The following CHRD variants were observed in gnomAD, a reference collection of about 807,000 sequenced individuals.
CHRD encodes chordin.
In CHRD, 69 loss-of-function variants were observed where a neutral mutation model predicts 113.7. The observed-to-expected ratio is 0.61, with a 90% CI of 0.50 to 0.74. The LOEUF (loss-of-function observed/expected upper bound fraction) is 0.74, where lower values mean the gene tolerates loss of function less well. Ranked by LOEUF, CHRD falls within the 30% of genes least tolerant of loss-of-function variation. The pLI is 0.00. For missense variants in CHRD, 1,194 were observed against 1,295.8 expected, an observed-to-expected ratio of 0.92 and a Z score of 1.21; for synonymous variants, 561 against 540.8, an observed-to-expected ratio of 1.04 and a Z score of -0.52.
chr3:184,390,162 C>T (rs1369680867), downstream of CHRD: 1 of 148,890 alleles, frequency 6.7e-6, no homozygotes, highest in African/African-American at 2.5e-5. Flanking sequence ...CAGCCCCTCT[C>T]TCCCTCCTTC....
In CHRD at chr3:184,388,850, G is replaced by A. The variant is rs1716782596; in HGVS notation, c.2710-43G>A. 2.5e-6 allele frequency: 4 copies of A among 1,604,336 alleles called. No individual in the cohort carries two copies. Among genetic ancestry groups the A allele is most frequent in the Non-Finnish European group, 3.4e-6 (4 of 1,172,324 alleles). On this transcript the variant is annotated intron_variant, in intron 21 of 22. Coordinates refer to ENST00000204604, the Ensembl canonical transcript of CHRD. The surrounding 1 kb of genome is among the most constrained non-coding windows in gnomAD (Gnocchi z 6.1). ...AGAAGCTGAAGGTCACTGTGTCCCA[G>A]TGCCTCTGGGGGACACTCAGTGTCT...
In CHRD at chr3:184,381,226, C is replaced by T. The variant is rs923801669; in HGVS notation, c.253-9C>T. ...ACTCACTTGGGTTTCCCGCCTTTTC[C>T]GGGAGCAGCCTCAGTGGGGTCGCCG... On this transcript the variant is annotated splice_polypyrimidine_tract_variant and intron_variant, in intron 2 of 22. Coordinates refer to ENST00000204604, the Ensembl canonical transcript of CHRD. The surrounding 1 kb of genome is among the most constrained non-coding windows in gnomAD (Gnocchi z 4.7). 2 of 1,613,064 alleles carry T rather than the reference C, an allele frequency of 1.2e-6. No homozygotes were observed. Among genetic ancestry groups the T allele is most frequent in the African/African-American group, 1.3e-5 (1 of 75,026 alleles).
chr3:184,389,275 A>G, intron 22 of CHRD, 92 bp from the exon 23 acceptor site: 4 of 1,232,778 alleles, frequency 3.2e-6, no homozygotes, highest in Non-Finnish European at 4.7e-6. Context: ...TTCTGGGACC[A>G]AGGCAGGGAT....
In CHRD at chr3:184,382,480, C is replaced by T. The variant is rs537984257; in HGVS notation, c.791C>T (p.Pro264Leu). The T allele has an allele frequency of 5.0e-6, 8 of 1,614,112 alleles. No individual in the cohort carries two copies. In the African/African-American group the frequency reaches 8.0e-5, roughly 16 times the overall value. Residue 264 changes from proline (P) to leucine (L), a missense_variant, in exon 7 of 23, where the codon CCT becomes CTT. Coordinates refer to ENST00000204604, the Ensembl canonical transcript of CHRD. ...GTGGCACTTGTGACACTCACTCACCCTTCAGGGGAGGTCTGGGGGCCTCTC... is the reference window on the plus strand; with the variant it reads ...GTGGCACTTGTGACACTCACTCACCTTTCAGGGGAGGTCTGGGGGCCTCTC...
At chr3:184,390,199 C>A (rs1444011246), downstream of CHRD, 3 of 59,238 alleles carry the variant, frequency 5.1e-5, no homozygotes, top group African/African-American at 2.0e-4. Context: ...TTTCCCTCCC[C>A]TCCCCTCCCC....
In CHRD at chr3:184,383,371, G is replaced by T; in HGVS notation, c.1273G>T (p.Gly425Cys). The stretch of plus-strand genomic sequence containing the variant: ...GATCCCAGTCCAGACGGGTGCTGCC[G>T]GCTCAGCCAGCCTCACGCTGCTAGG... The change falls in exon 11 of 23, where the codon GGC becomes TGC. Residue 425 changes from glycine (G) to cysteine (C), a missense_variant. Physicochemically the swap from Gly to Cys is radical, Grantham distance 159 (BLOSUM62 -3). Transcript: ENST00000204604. 1.9e-6 allele frequency: 3 copies of T among 1,613,922 alleles called. No homozygotes were observed. The African/African-American group carries it at 4.0e-5, about 22-fold the overall frequency.
At position 184,384,944 on chromosome 3, in the gene CHRD, G is replaced by A; in HGVS notation, c.1598-74G>A. ...CAGCTCGTGGAATGTGTGCTGGGGA[G>A]CTGGGAATGCTGGGTTTGAGGGCTT... On this transcript the variant is annotated intron_variant, in intron 13 of 22. Coordinates refer to ENST00000204604, the Ensembl canonical transcript of CHRD. This position sits in a 1 kb window ranked among gnomAD's most constrained non-coding sequence, Gnocchi z 4.4. The A allele has an allele frequency of 6.9e-7, 1 of 1,457,114 alleles. No individual in the cohort carries two copies. The highest frequency in any genetic ancestry group is 1.4e-5 in the African/African-American group (1 of 72,010). 90.3% of individuals were successfully genotyped at this position (1,457,114 alleles called of 1,614,324 possible).
In CHRD at chr3:184,380,674, C is replaced by T. The variant is rs373677799; in HGVS notation, c.149-18C>T. ...GCGCGAGCTGGGCAGCGGCCTCCAGCCAAGCCCGTCCCCGCAGGCTGCACC... is the reference window on the plus strand; with the variant it reads ...GCGCGAGCTGGGCAGCGGCCTCCAGTCAAGCCCGTCCCCGCAGGCTGCACC... On this transcript the variant is annotated intron_variant, in intron 1 of 22. Coordinates refer to ENST00000204604, the Ensembl canonical transcript of CHRD. This position sits in a 1 kb window ranked among gnomAD's most constrained non-coding sequence, Gnocchi z 6.3. The T allele has an allele frequency of 8.2e-5, 128 of 1,565,422 alleles. No homozygotes were observed. The African/African-American group carries it at 1.1e-3, about 14-fold the overall frequency.
At chr3:184,386,025 C>T in intron 14 of CHRD, 21 bp from the exon 15 acceptor site, 1 of 1,613,260 alleles carries the variant, frequency 6.2e-7, no homozygotes. Context: ...TATTCCTATC[C>T]ATTGTCCTGT....
In CHRD at chr3:184,385,015, C is replaced by T; in HGVS notation, c.1598-3C>T. On this transcript the variant is annotated splice_region_variant and splice_polypyrimidine_tract_variant and intron_variant, in intron 13 of 22. Coordinates refer to ENST00000204604, the Ensembl canonical transcript of CHRD. The stretch of plus-strand genomic sequence containing the variant: ...CTGTCATCTCTCCTCTGTCTGGACC[C>T]AGCGCTGCCCGTGCCCCTAGCAGGA... 6.2e-7 allele frequency: 1 copy of T among 1,613,596 alleles called. No individual in the cohort carries two copies. The highest frequency in any genetic ancestry group is 1.3e-5 in the African/African-American group (1 of 75,050).
chr3:184,383,597 C>T (rs1715813296), exon 12 of CHRD: 2 of 1,613,874 alleles, frequency 1.2e-6, no homozygotes, highest in Admixed American at 1.7e-5. Context: ...GGGATCAGCG[C>T]ACTGTCCTGT....
chr3:184,387,189 G>C lies in CHRD; in HGVS notation c.2347+82G>C, dbSNP rs1175273525. The C allele has an allele frequency of 1.4e-6, 2 of 1,405,460 alleles. No homozygotes were observed. Among genetic ancestry groups the C allele is most frequent in the East Asian group, 4.6e-5 (2 of 43,722 alleles). The allele number at this position is 1,405,460 out of a possible 1,614,324, so 87.1% of individuals were successfully genotyped here. ...CCAGGAGGGGGACAAGAAGGGGAGA[G>C]TATATAGGGGGTGGCCTGAGGGGCA... On this transcript the variant is annotated intron_variant, in intron 18 of 22. Coordinates refer to ENST00000204604, the Ensembl canonical transcript of CHRD. The surrounding 1 kb of genome is among the most constrained non-coding windows in gnomAD (Gnocchi z 6.1).
chr3:184,389,668 C>G, exon 23 of CHRD: 1 of 526,562 alleles, frequency 1.9e-6, no homozygotes, highest in Non-Finnish European at 3.4e-6. Context: ...CCTGGAAGCC[C>G]CACCCCTTTC....
chr3:184,381,530 G>A lies in CHRD; in HGVS notation c.417G>A (p.Leu139=), dbSNP rs1442075642. Residue 139 remains leucine (L), a synonymous_variant, in exon 4 of 23, where the codon CTG becomes CTA. Transcript: ENST00000204604. The surrounding 1 kb of genome is among the most constrained non-coding windows in gnomAD (Gnocchi z 4.7). ...GTTCGGAGCGGCAGCCGAGCGGCCT[G>A]TCCTTCGAGTATCCGCGGGACCCGG... 10 of 1,605,928 alleles carry A rather than the reference G, an allele frequency of 6.2e-6. No homozygotes were observed. Among genetic ancestry groups the A allele is most frequent in the Admixed American group, 5.0e-5 (3 of 59,578 alleles).
rs1406541889 is a variant in CHRD, at chr3:184,380,315, C to T, written c.-4C>T. ...CCCTCCTCCCCAGCTGTCCCGTTCG[C>T]GTCATGCCGAGCCTCCCGGCCCCGC... is the stretch of plus-strand genomic sequence containing the variant. On this transcript the variant is annotated 5_prime_UTR_variant, in exon 1 of 23. Transcript: ENST00000204604. This position sits in a 1 kb window ranked among gnomAD's most constrained non-coding sequence, Gnocchi z 6.3. 2.3e-6 allele frequency: 3 copies of T among 1,316,030 alleles called. No individual in the cohort carries two copies. The highest frequency in any genetic ancestry group is 3.1e-5 in the African/African-American group (2 of 63,746). The allele number at this position is 1,316,030 out of a possible 1,614,324, so 81.5% of individuals were successfully genotyped here. A position where few individuals can be genotyped will look rare whatever the true frequency, so the allele number is the denominator to read the frequency against.
exon 23 of CHRD, chr3:184,389,590 G>A (rs1008184224): frequency 3.1e-6 from 2 of 635,346 alleles, no homozygotes; most frequent in Non-Finnish European, 5.5e-6. Context: ...CCACAAGGGG[G>A]AGAGGCAGCT....
At chr3:184,386,557 G>GCGGGCGCTGGGGGCT in exon 16 of CHRD, 1 of 1,546,314 alleles carries the variant, frequency 6.5e-7, no homozygotes. Context: ...CCGAGGGGGT[G>GCGGGCGCTGGGGGCT]CGGGCGCTGG....
At chr3:184,385,047 G>A in exon 14 of CHRD, 1 of 1,614,074 alleles carries the variant, frequency 6.2e-7, no homozygotes, top group South Asian at 1.1e-5. Context: ...AGGAGCCCTG[G>A]TGCTACCCCC....
Position 184,381,392 on chromosome 3 carries a change from G to A in CHRD, c.382+28G>A, listed in dbSNP as rs1481758757. On this transcript the variant is annotated intron_variant, in intron 3 of 22. Coordinates refer to ENST00000204604, the Ensembl canonical transcript of CHRD. The surrounding 1 kb of genome is among the most constrained non-coding windows in gnomAD (Gnocchi z 4.7). ...AAGTCTTGCTCCGCCCTGCGGGGAG[G>A]GAGGCAGGGCCACGATACTAGGTCC... 6.3e-7 allele frequency: 1 copy of A among 1,592,046 alleles called. No individual in the cohort carries two copies. The highest frequency in any genetic ancestry group is 8.5e-7 in the Non-Finnish European group (1 of 1,169,902).
Sources: gnomAD v4.1 joint callset for allele counts on GRCh38, gnomAD v4.1.1 for gene constraint, Gnocchi (gnomAD v3.1) non-coding constraint, MANE v1.5 for transcripts, NCBI Gene and HGNC (gene_info 2026-07-23, HGNC 2026-07-21) for gene names.